GIMAP8: variants seen among roughly 807,000 people sequenced by gnomAD.
GIMAP8 encodes the protein GTPase, IMAP family member 8.
Under a neutral mutation model 35.6 loss-of-function variants are expected in GIMAP8, and 29 were observed. The ratio of observed to expected loss-of-function variants is 0.81; its 90% CI spans 0.61 to 1.11. The LOEUF (loss-of-function observed/expected upper bound fraction) is 1.11. Ranked by LOEUF, GIMAP8 falls within the 50% of genes most tolerant of loss-of-function variation. The pLI is 0.00. For missense variants in GIMAP8, 811 were observed against 805.0 expected (o/e 1.01, Z -0.09); for synonymous variants, 335 against 308.7 (o/e 1.09, Z -0.89).
In GIMAP8 at chr7:150,477,434, T is replaced by C; in HGVS notation, c.1652T>C (p.Ile551Thr). The change falls in exon 5 of 5, where the codon ATC (isoleucine) becomes ACC (threonine). Residue 551 changes from isoleucine (I) to threonine (T), a missense_variant. Ile to Thr is a moderately conservative substitution (Grantham distance 89). Transcript: ENST00000307271. Reference sequence around the variant, plus strand: ...ACAGCTGTGGCGAAACTGGAGGCCATCTTTGGAGCAGACTTTACGAAATAC... The same window carrying C: ...ACAGCTGTGGCGAAACTGGAGGCCACCTTTGGAGCAGACTTTACGAAATAC... ...DKTAVAKLEA[I>T]FGADFTKYAI... The C allele has an allele frequency of 6.2e-7, 1 of 1,613,734 alleles. No individual in the cohort carries two copies. The highest frequency in any genetic ancestry group is 8.5e-7 in the Non-Finnish European group (1 of 1,179,604).
rs1187716357 is a variant in GIMAP8 at position 150,451,120 on chromosome 7, C to G, written c.-84C>G. The G allele has an allele frequency of 6.6e-6, 1 of 152,368 alleles. No individual in the cohort carries two copies. Among genetic ancestry groups the G allele is most frequent in the African/African-American group, 2.4e-5 (1 of 41,448 alleles). The allele number at this position is 152,368 out of a possible 1,614,324, so 9.4% of individuals were successfully genotyped here. A position where few individuals can be genotyped will look rare whatever the true frequency, so the allele number is the denominator to read the frequency against. On this transcript the variant is annotated 5_prime_UTR_variant, in exon 1 of 5. Coordinates refer to ENST00000307271, the MANE Select transcript of GIMAP8 (RefSeq NM_175571.4). The surrounding 1 kb of genome is among the most constrained non-coding windows in gnomAD (Gnocchi z 4.1). ...GCTCTCCGGCCATTCTCCCCTCACC[C>G]TCCTCACCTTCCTCACATCCTGTGC...
At chr7:150,458,980 C>T (rs1388960917) in intron 1 of GIMAP8, among the ~76,000 whole-genome samples, 1 of 152,188 alleles carries the variant, frequency 6.6e-6, no homozygotes, top group African/African-American at 2.4e-5. Context: ...TGATAACTAC[C>T]TCCTTTTACC....
At chr7:150,470,465 T>C (rs1802062615) in intron 2 of GIMAP8, among the ~76,000 whole-genome samples, 1 of 151,602 alleles carries the variant, frequency 6.6e-6, no homozygotes, top group Non-Finnish European at 1.5e-5. Context: ...TATCCTGTTG[T>C]CTCCATTTGC....
At position 150,474,066 on chromosome 7, in the gene GIMAP8, C is replaced by G; in HGVS notation, c.737C>G (p.Ser246Ter). 1 of 1,614,142 alleles carries G rather than the reference C, an allele frequency of 6.2e-7. No individual in the cohort carries two copies. The highest frequency in any genetic ancestry group is 8.5e-7 in the Non-Finnish European group (1 of 1,180,014). The change falls in exon 4 of 5, where the codon TCA becomes TGA. Residue 246 changes from serine (S) to a stop codon, truncating the protein, a stop_gained. Coordinates refer to ENST00000307271, the MANE Select transcript of GIMAP8 (RefSeq NM_175571.4). LOFTEE classifies it high-confidence loss of function. ...GGACCCGAGCAGAATCCGGGGACATCAGAACTGACAGTCCTCCTTGTGGGG... is the reference window on the plus strand; with the variant it reads ...GGACCCGAGCAGAATCCGGGGACATGAGAACTGACAGTCCTCCTTGTGGGG... ...STGPEQNPGTSELTVLLVGKR... is the reference protein window; with the variant it reads ...STGPEQNPGT
chr7:150,463,075 C>T lies in GIMAP8; in HGVS notation c.-28-3596C>T, dbSNP rs527381959. 2.3e-4 allele frequency among the ~76,000 whole-genome samples: 35 copies of T among 152,164 alleles called. 1 individual carries two copies. The highest frequency in any genetic ancestry group is 4.7e-4 in the Non-Finnish European group (32 of 68,000). On this transcript the variant is annotated intron_variant, in intron 1 of 4. Coordinates refer to ENST00000307271, the MANE Select transcript of GIMAP8 (RefSeq NM_175571.4). Reference sequence around the variant, plus strand: ...GACTGAATTATTTTAAAAGACCTGCCTTCAAGTTCAGAAATTCTTTCTTCT... The same window carrying T: ...GACTGAATTATTTTAAAAGACCTGCTTTCAAGTTCAGAAATTCTTTCTTCT...
Position 150,477,560 on chromosome 7 carries a change from A to G in GIMAP8, c.1778A>G (p.Lys593Arg), listed in dbSNP as rs778320971. Residue 593 changes from lysine to arginine, a missense_variant, in exon 5 of 5, where the codon AAG becomes AGG. By Grantham distance (26) the Lys-to-Arg change is conservative. Transcript: ENST00000307271. The part of the protein sequence containing the change: ...DNKALRRIFK[K>R]CGRRVCAFNN... The stretch of plus-strand genomic sequence containing the variant: ...AAAGCCCTTCGGCGCATTTTTAAAA[A>G]GTGTGGGCGGCGAGTTTGTGCTTTT... 33 of 1,614,104 alleles carry G rather than the reference A, an allele frequency of 2.0e-5. No individual in the cohort carries two copies. Among genetic ancestry groups the G allele is most frequent in the Non-Finnish European group, 2.7e-5 (32 of 1,180,052 alleles).
At chr7:150,458,341 G>T (rs1268373324) in intron 1 of GIMAP8, among the ~76,000 whole-genome samples, 2 of 152,162 alleles carry the variant, frequency 1.3e-5, no homozygotes, top group Non-Finnish European at 2.9e-5. Context: ...AAGGCCATCT[G>T]CCAAATGATT....
rs926664846 is a variant in GIMAP8 at position 150,472,802 on chromosome 7, T to C, written c.683-1210T>C. ...GAGATAGGGCAGGAGGCAAAGAAAG[T>C]GCTGTCATATGGGCAAAAGTCCTGA... On this transcript the variant is annotated intron_variant, in intron 3 of 4. Coordinates refer to ENST00000307271, the MANE Select transcript of GIMAP8 (RefSeq NM_175571.4). This position sits in a 1 kb window ranked among gnomAD's most constrained non-coding sequence, Gnocchi z 4.1. Among the ~76,000 whole-genome samples the C allele has an allele frequency of 6.6e-6, 1 of 151,958 alleles. No homozygotes were observed.
rs141249962 is a variant in GIMAP8, at chr7:150,472,114, C to T, written c.682+1240C>T. Among the ~76,000 whole-genome samples the T allele has an allele frequency of 1.9e-3, 291 of 152,180 alleles. No individual in the cohort carries two copies. Among genetic ancestry groups the T allele is most frequent in the African/African-American group, 6.5e-3 (269 of 41,498 alleles). ...ACACACGTGTGACTGAACAAAAGTG[C>T]GTTTATTGACCTGTGGCTGTGAGGG... On this transcript the variant is annotated intron_variant, in intron 3 of 4. Transcript: ENST00000307271. This position sits in a 1 kb window ranked among gnomAD's most constrained non-coding sequence, Gnocchi z 4.1.
chr7:150,473,423 C>T (rs1802139009), intron 3 of GIMAP8, among the ~76,000 whole-genome samples: 2 of 150,814 alleles, frequency 1.3e-5, no homozygotes, highest in African/African-American at 2.4e-5. Context: ...TGCTGCCCCT[C>T]GCCAAAGAGA....
At chr7:150,473,161 T>G (rs1246098616) in intron 3 of GIMAP8, among the ~76,000 whole-genome samples, 4 of 152,152 alleles carry the variant, frequency 2.6e-5, no homozygotes, top group Admixed American at 6.5e-5. Context: ...GAAAGCTCCC[T>G]GCAGTTGCAG....
At chr7:150,452,707 T>TATATATATATAC (rs1563278609) in intron 1 of GIMAP8, among the ~76,000 whole-genome samples, 1 of 91,544 alleles carries the variant, frequency 1.1e-5, no homozygotes, top group Non-Finnish European at 2.4e-5. Context: ...TATATATATA[T>TATATATATATAC]ATACATGCGA....
At chr7:150,475,952 T>A (rs1274388334) in intron 4 of GIMAP8, among the ~76,000 whole-genome samples, 1 of 152,186 alleles carries the variant, frequency 6.6e-6, no homozygotes, top group African/African-American at 2.4e-5. Flanking sequence ...AAAGGACATC[T>A]TCCAAGAACA....
In GIMAP8 at chr7:150,466,814, A is replaced by C; in HGVS notation, c.116A>C (p.Lys39Thr). The change falls in exon 2 of 5, where the codon AAG (lysine) becomes ACG (threonine). Residue 39 changes from lysine to threonine, a missense_variant. Physicochemically the swap from Lys to Thr is moderately conservative, Grantham distance 78. Transcript: ENST00000307271. ...AILGKHVFKS[K>T]FSDQTVIKMC... ...CTGGGCAAACATGTGTTCAAGTCCA[A>C]GTTCAGTGATCAGACAGTGATCAAA... 6.2e-7 allele frequency: 1 copy of C among 1,614,266 alleles called. No homozygotes were observed. The highest frequency in any genetic ancestry group is 8.5e-7 in the Non-Finnish European group (1 of 1,180,046).
At chr7:150,463,451 T>C (rs1003038568) in intron 1 of GIMAP8, among the ~76,000 whole-genome samples, 1 of 152,228 alleles carries the variant, frequency 6.6e-6, no homozygotes, top group South Asian at 2.1e-4. Context: ...GTGCATCTGG[T>C]GTAACAGTTG....
Sources: gnomAD v4.1 joint callset for allele counts (sites outside exome capture counted in the v4.1 genomes callset) on GRCh38, gnomAD v4.1.1 for gene constraint, Gnocchi (gnomAD v3.1) non-coding constraint, MANE v1.5 for transcripts, NCBI Gene and HGNC (gene_info 2026-07-23, HGNC 2026-07-21) for gene names.